Variants in RDX observed in about 807,000 individuals in gnomAD.
RDX encodes deafness, autosomal recessive 24.
RDX carries 32 observed loss-of-function variants against 83.7 expected under a neutral mutation model. That is an observed-to-expected ratio of 0.38 (90% CI 0.29 to 0.51). The LOEUF (loss-of-function observed/expected upper bound fraction) is 0.51, where lower values mean the gene tolerates loss of function less well. Ranked by LOEUF, RDX falls within the 20% of genes least tolerant of loss-of-function variation. The pLI is 0.87. For synonymous variants in RDX, 229 were observed against 222.7 expected (o/e 1.03, Z -0.25); for missense variants, 600 against 689.9 (o/e 0.87, Z 1.46).
At chr11:110,288,483 G>A (rs1861076171) in intron 1 of RDX, 3 of 152,122 alleles carry the variant, frequency 2.0e-5, no homozygotes, top group African/African-American at 7.2e-5. Flanking sequence ...GGGAAAACAG[G>A]TTCATGCAAG....
At chr11:110,290,024 T>A (rs902269783) in intron 1 of RDX, among the ~76,000 whole-genome samples, 1 of 144,936 alleles carries the variant, frequency 6.9e-6, no homozygotes, top group Non-Finnish European at 1.5e-5. Context: ...CATTATTCCA[T>A]GTACTCACCA....
intron 1 of RDX, among the ~76,000 whole-genome samples, chr11:110,289,888 G>A (rs1228108382): frequency 6.9e-6 from 1 of 144,596 alleles, no homozygotes; most frequent in Non-Finnish European, 1.5e-5. Flanking sequence ...GAATCCAGGA[G>A]GCAGAGGCTG....
At chr11:110,193,612 A>C (rs1472146867) in intron 15 of RDX, among the ~76,000 whole-genome samples, 1 of 152,212 alleles carries the variant, frequency 6.6e-6, no homozygotes, top group Non-Finnish European at 1.5e-5. Flanking sequence ...CTTTAACATG[A>C]AAATTATGCT....
In RDX at chr11:110,229,543, G is replaced by A. The variant is rs942800256; in HGVS notation, c.*2326C>T. 3 of 152,238 alleles carry A rather than the reference G, an allele frequency of 2.0e-5. No individual in the cohort carries two copies. The highest frequency in any genetic ancestry group is 2.9e-5 in the Non-Finnish European group (2 of 67,850). 9.4% of individuals were successfully genotyped at this position (152,238 alleles called of 1,614,324 possible). On this transcript the variant is annotated 3_prime_UTR_variant, in exon 14 of 14. Coordinates refer to ENST00000645495, the MANE Select transcript of RDX (RefSeq NM_002906.4). Reference sequence around the variant, plus strand: ...TTGTACAACACAAAATTATGCTAATGGTAAAAGCCTACTGGGATTTACCAA... The same window carrying A: ...TTGTACAACACAAAATTATGCTAATAGTAAAAGCCTACTGGGATTTACCAA...
chr11:110,246,688 T>C (rs1224868858), intron 10 of RDX, among the ~76,000 whole-genome samples: 7 of 148,210 alleles, frequency 4.7e-5, no homozygotes, highest in African/African-American at 1.3e-4. Flanking sequence ...GGCAGGAGAA[T>C]AGCTTGAGCT....
At chr11:110,214,494 T>G (rs1242045380) in intron 14 of RDX, among the ~76,000 whole-genome samples, 1 of 132,388 alleles carries the variant, frequency 7.6e-6, no homozygotes, top group South Asian at 2.9e-4. Flanking sequence ...TTACTGGGTA[T>G]ATACCCAAAG....
chr11:110,203,938 G>C (rs192879057), intron 14 of RDX, among the ~76,000 whole-genome samples: 63 of 152,122 alleles, frequency 4.1e-4, no homozygotes, highest in African/African-American at 1.5e-3. Flanking sequence ...GCTATTCAGG[G>C]GGCTGAGGTG....
intron 10 of RDX, among the ~76,000 whole-genome samples, chr11:110,238,993 TG>T (rs1434177520): frequency 1.3e-5 from 2 of 151,446 alleles, no homozygotes; most frequent in Non-Finnish European, 2.9e-5. Flanking sequence ...AATGACTCTT[TG>T]GTTAGGCTTT....
At chr11:110,242,978 G>A (rs1865160374) in intron 10 of RDX, among the ~76,000 whole-genome samples, 1 of 152,056 alleles carries the variant, frequency 6.6e-6, no homozygotes, top group Admixed American at 6.5e-5. Context: ...GAATAGCTGG[G>A]ACAGAGACCA....
chr11:110,275,028 A>G (rs1256978108), intron 2 of RDX, among the ~76,000 whole-genome samples: 5 of 152,228 alleles, frequency 3.3e-5, no homozygotes, highest in African/African-American at 4.8e-5. Flanking sequence ...ACAGCATTGT[A>G]TAAGAATTCT....
intron 3 of RDX, among the ~76,000 whole-genome samples, chr11:110,271,963 A>C (rs1377095199): frequency 6.6e-6 from 1 of 152,238 alleles, no homozygotes; most frequent in Non-Finnish European, 1.5e-5. Context: ...TCGCAGTCAA[A>C]ACTCAGTATG....
At chr11:110,201,899 A>G (rs113593204) in intron 14 of RDX, among the ~76,000 whole-genome samples, 6,314 of 128,018 alleles carry the variant, frequency 0.049, 469 homozygotes, top group African/African-American at 0.17. Context: ...ACATCCGGCT[A>G]ATTTTGTGTG....
At chr11:110,214,050 G>C (rs1387116543) in intron 14 of RDX, among the ~76,000 whole-genome samples, 1 of 95,292 alleles carries the variant, frequency 1.0e-5, no homozygotes, top group Non-Finnish European at 2.0e-5. Context: ...AGAGTGAACA[G>C]GCAACCTACA....
chr11:110,233,350 T>G lies in RDX; in HGVS notation c.1474A>C (p.Asn492His), dbSNP rs1191086578. ...TENEHDEHDE[N>H]NAEASAELSN... ...AATTCAGCACTAGCTTCAGCATTAT[T>G]CTCATCGTGTTCATCATGTTCGTTT... Residue 492 changes from asparagine (N) to histidine (H), a missense_variant, in exon 13 of 14, where the codon AAT becomes CAT. By Grantham distance (68) the Asn-to-His change is moderately conservative. Coordinates refer to ENST00000645495, the MANE Select transcript of RDX (RefSeq NM_002906.4). 1.2e-6 allele frequency: 2 copies of G among 1,614,054 alleles called. No individual in the cohort carries two copies. Among genetic ancestry groups the G allele is most frequent in the Non-Finnish European group, 1.7e-6 (2 of 1,180,040 alleles).
chr11:110,226,582 C>G (rs1864443655), downstream of RDX, among the ~76,000 whole-genome samples: 1 of 152,076 alleles, frequency 6.6e-6, no homozygotes, highest in South Asian at 2.1e-4. Context: ...TGTGAATGTA[C>G]TTAATGGCAC....
intron 5 of RDX, chr11:110,263,289 A>T (rs1050685249): frequency 6.6e-6 from 1 of 151,406 alleles, no homozygotes; most frequent in Non-Finnish European, 1.5e-5. Context: ...GGGGGGGGAA[A>T]AAGTCAGAGA....
At chr11:110,220,540 T>C (rs1457856169) in intron 14 of RDX, among the ~76,000 whole-genome samples, 2 of 151,948 alleles carry the variant, frequency 1.3e-5, no homozygotes, top group Admixed American at 1.3e-4. Flanking sequence ...TGAGACAGAG[T>C]TTTGCTCTTG....
intron 5 of RDX, among the ~76,000 whole-genome samples, chr11:110,259,847 T>C (rs957844758): frequency 6.6e-6 from 1 of 151,282 alleles, no homozygotes; most frequent in Non-Finnish European, 1.5e-5. Flanking sequence ...CCAACCCCTA[T>C]TTTTTTTTCT....
At chr11:110,242,177 G>A (rs1411001397) in intron 10 of RDX, among the ~76,000 whole-genome samples, 1 of 152,146 alleles carries the variant, frequency 6.6e-6, no homozygotes, top group Non-Finnish European at 1.5e-5. Flanking sequence ...AACTGGCCGG[G>A]CACGGTGGCT....
Sources: gnomAD v4.1 joint callset for allele counts (sites outside exome capture counted in the v4.1 genomes callset) on GRCh38, gnomAD v4.1.1 for gene constraint, MANE v1.5 for transcripts, NCBI Gene and HGNC (gene_info 2026-07-23, HGNC 2026-07-21) for gene names.